HSD17B12: variants seen among roughly 807,000 people sequenced by gnomAD.
HSD17B12 encodes the protein very-long-chain 3-oxoacyl-CoA reductase.
Under a neutral mutation model 39.3 loss-of-function variants are expected in HSD17B12, and 32 were observed. The observed-to-expected ratio is 0.81, with a 90% CI of 0.61 to 1.09. The LOEUF (loss-of-function observed/expected upper bound fraction) is 1.09, where lower values mean the gene tolerates loss of function less well. Ranked by LOEUF, HSD17B12 falls within the 50% of genes least tolerant of loss-of-function variation. The pLI, the probability that HSD17B12 is intolerant of heterozygous loss-of-function variation, is 0.00. For synonymous variants in HSD17B12, 150 were observed against 146.7 expected, an observed-to-expected ratio of 1.02 and a Z score of -0.16; for missense variants, 342 against 382.9, an observed-to-expected ratio of 0.89 and a Z score of 0.89.
chr11:43,673,492 C>CTTTTTT, the HSD17B12 span: 165 of 83,896 alleles, frequency 2.0e-3, 1 homozygote, highest in African/African-American at 2.7e-3. Context: ...CTTTTCTTTT[C>CTTTTTT]TTTTTTTTTT....
the HSD17B12 span, chr11:43,644,118 G>A: frequency 1.3e-5 from 2 of 152,270 alleles, no homozygotes; most frequent in East Asian, 1.9e-4. Flanking sequence ...TGGCCGTTGG[G>A]AGGGGAAAGG....
At chr11:43,834,154 T>C (rs1231847404) in intron 7 of HSD17B12, 1 of 152,234 alleles carries the variant, frequency 6.6e-6, no homozygotes, top group East Asian at 1.9e-4. Flanking sequence ...GTTCTAATTA[T>C]ACACCTGACC....
chr11:43,743,188 G>A (rs139802564), intron 1 of HSD17B12, among the ~76,000 whole-genome samples: 9 of 152,306 alleles, frequency 5.9e-5, no homozygotes, highest in Middle Eastern at 3.4e-3. Flanking sequence ...TAAAGTTAGT[G>A]TACTTTGGTA....
At chr11:43,570,098 T>C in the HSD17B12 span, 2 of 152,628 alleles carry the variant, frequency 1.3e-5, no homozygotes, top group African/African-American at 2.4e-5. Context: ...AGGAAAACCA[T>C]AGCAAATCCT....
At chr11:43,828,998 A>C (rs1458393389) in intron 6 of HSD17B12, among the ~76,000 whole-genome samples, 2 of 152,250 alleles carry the variant, frequency 1.3e-5, no homozygotes, top group Non-Finnish European at 2.9e-5. Context: ...TTCATTATAG[A>C]TGAAGGCATT....
chr11:43,714,792 T>C (rs1950105468), intron 1 of HSD17B12, among the ~76,000 whole-genome samples: 1 of 152,198 alleles, frequency 6.6e-6, no homozygotes, highest in Non-Finnish European at 1.5e-5. Flanking sequence ...TATCCTCTTT[T>C]ATTTCGTTGA....
chr11:43,723,901 AT>A (rs1271602670), intron 1 of HSD17B12: 2 of 152,056 alleles, frequency 1.3e-5, no homozygotes, highest in South Asian at 2.1e-4. Flanking sequence ...TCTTTGTCTC[AT>A]TTTCCCTCCA....
chr11:43,767,757 T>TAA (rs1164243389), intron 3 of HSD17B12, among the ~76,000 whole-genome samples: 2 of 152,194 alleles, frequency 1.3e-5, no homozygotes, highest in Non-Finnish European at 2.9e-5. Context: ...AATTAATATT[T>TAA]AACAACACCA....
intron 1 of HSD17B12, among the ~76,000 whole-genome samples, chr11:43,702,489 C>A (rs1250192942): frequency 1.3e-5 from 2 of 152,104 alleles, no homozygotes; most frequent in Non-Finnish European, 2.9e-5. Context: ...TCCTGCTATA[C>A]CCAGTTTTTT....
At chr11:43,661,716 ATTAT>A in the HSD17B12 span, among the ~76,000 whole-genome samples, 1 of 152,210 alleles carries the variant, frequency 6.6e-6, no homozygotes, top group Admixed American at 6.5e-5. Context: ...TCATTTCAGC[ATTAT>A]TTATAATAGC....
intron 4 of HSD17B12, among the ~76,000 whole-genome samples, chr11:43,813,609 C>T (rs1409840044): frequency 2.6e-5 from 4 of 152,092 alleles, no homozygotes; most frequent in Non-Finnish European, 5.9e-5. Flanking sequence ...CTAAATTATT[C>T]ATCCTTTGTA....
At chr11:43,850,921 C>T (rs990220136) in intron 9 of HSD17B12, among the ~76,000 whole-genome samples, 4 of 151,986 alleles carry the variant, frequency 2.6e-5, no homozygotes, top group Non-Finnish European at 5.9e-5. Context: ...ATTAGCCGGG[C>T]GTGGTGGCAG....
At chr11:43,699,135 A>C (rs1230186275) in intron 1 of HSD17B12, among the ~76,000 whole-genome samples, 1 of 152,176 alleles carries the variant, frequency 6.6e-6, no homozygotes, top group Non-Finnish European at 1.5e-5. Context: ...TATCATTTCA[A>C]CTATGGTATA....
chr11:43,695,554 G>T (rs2134793170), intron 1 of HSD17B12, among the ~76,000 whole-genome samples: 1 of 152,154 alleles, frequency 6.6e-6, no homozygotes, highest in East Asian at 1.9e-4. Flanking sequence ...CTCTCGCCTG[G>T]GCAACAAGAG....
At chr11:43,816,544 A>G (rs1951124767) in intron 6 of HSD17B12, among the ~76,000 whole-genome samples, 153 bp downstream of exon 6, 1 of 152,152 alleles carries the variant, frequency 6.6e-6, no homozygotes, top group African/African-American at 2.4e-5. Flanking sequence ...TTTCTTCAGA[A>G]AACATAAAGA....
intron 1 of HSD17B12, among the ~76,000 whole-genome samples, chr11:43,728,424 C>T (rs1950240387): frequency 6.6e-6 from 1 of 151,642 alleles, no homozygotes; most frequent in African/African-American, 2.4e-5. Flanking sequence ...ACTATAAAAA[C>T]ATTACACAAG....
chr11:43,843,521 C>A (rs954780165), intron 9 of HSD17B12, among the ~76,000 whole-genome samples: 5 of 152,208 alleles, frequency 3.3e-5, no homozygotes, highest in South Asian at 2.1e-4. Context: ...TCCTTTCTTG[C>A]CACTCCATTG....
At chr11:43,645,606 C>G in the HSD17B12 span, 3 of 152,296 alleles carry the variant, frequency 2.0e-5, no homozygotes, top group East Asian at 5.8e-4. Flanking sequence ...AAACCACTTT[C>G]ATATATCATT....
intron 1 of HSD17B12, among the ~76,000 whole-genome samples, chr11:43,733,225 ATATTG>A (rs985253715): frequency 1.3e-5 from 2 of 152,206 alleles, no homozygotes; most frequent in African/African-American, 2.4e-5. Context: ...TTATAAAGCA[ATATTG>A]TATTGTATCG....
Sources: allele counts gnomAD v4.1 joint callset (sites outside exome capture counted in the v4.1 genomes callset), GRCh38; gene constraint gnomAD v4.1.1; transcripts MANE v1.5; gene names NCBI Gene and HGNC (gene_info 2026-07-23, HGNC 2026-07-21).